SHISA6: variants seen among roughly 807,000 people sequenced by gnomAD.
SHISA6 encodes the protein shisa family member 6.
In SHISA6, 22 loss-of-function variants were observed where a neutral mutation model predicts 47.9. The observed-to-expected ratio is 0.46, with a 90% confidence interval of 0.33 to 0.66. The LOEUF (loss-of-function observed/expected upper bound fraction) is 0.66. Ranked by LOEUF, SHISA6 falls within the 30% of genes least tolerant of loss-of-function variation. The pLI is 0.02. For synonymous variants in SHISA6, 388 were observed against 337.8 expected, an observed-to-expected ratio of 1.15 and a Z score of -1.63; for missense variants, 680 against 764.6, an observed-to-expected ratio of 0.89 and a Z score of 1.30.
At chr17:11,369,367 C>A (rs1912551218) in intron 2 of SHISA6, among the ~76,000 whole-genome samples, 1 of 152,210 alleles carries the variant, frequency 6.6e-6, no homozygotes, top group Non-Finnish European at 1.5e-5. Flanking sequence ...GCATTCATCA[C>A]CAATGTCTCA....
chr17:11,491,770 G>GTTTT (rs1297841489), intron 3 of SHISA6, among the ~76,000 whole-genome samples: 2 of 135,276 alleles, frequency 1.5e-5, no homozygotes, highest in Non-Finnish European at 3.1e-5. Flanking sequence ...CTGGTGAAGT[G>GTTTT]TTTTTTTTTT....
intron 3 of SHISA6, among the ~76,000 whole-genome samples, chr17:11,466,045 T>C (rs532260965): frequency 6.6e-6 from 1 of 152,216 alleles, no homozygotes; most frequent in African/African-American, 2.4e-5. Context: ...TTCTTCTAGA[T>C]TGATGCTGAG....
At chr17:11,383,460 T>A (rs1246043485) in intron 3 of SHISA6, among the ~76,000 whole-genome samples, 1 of 152,114 alleles carries the variant, frequency 6.6e-6, no homozygotes, top group Non-Finnish European at 1.5e-5. Context: ...TGAGATCTTA[T>A]AAAACATAGA....
intron 3 of SHISA6, among the ~76,000 whole-genome samples, chr17:11,448,899 A>G (rs1915309011): frequency 6.6e-6 from 1 of 152,186 alleles, no homozygotes; most frequent in Admixed American, 6.5e-5. Context: ...ACCATGGGCC[A>G]CTGTCATTCT....
intron 2 of SHISA6, among the ~76,000 whole-genome samples, chr17:11,275,011 C>T (rs571516173): frequency 7.1e-4 from 108 of 152,266 alleles, no homozygotes; most frequent in African/African-American, 2.4e-3. Context: ...TGCAGAAGGG[C>T]ACAGTGATCA....
At chr17:11,353,736 G>T (rs183207274) in intron 2 of SHISA6, among the ~76,000 whole-genome samples, 60 of 152,270 alleles carry the variant, frequency 3.9e-4, no homozygotes, top group Non-Finnish European at 6.3e-4. Context: ...GAAAGGGAAG[G>T]TTAATTTATC....
intron 3 of SHISA6, among the ~76,000 whole-genome samples, chr17:11,482,760 C>A (rs1916252574): frequency 6.6e-6 from 1 of 152,078 alleles, no homozygotes; most frequent in Non-Finnish European, 1.5e-5. Context: ...GCAGGTAAAT[C>A]TGGGAGGAAG....
chr17:11,321,516 C>A (rs1477247224), intron 2 of SHISA6, among the ~76,000 whole-genome samples: 1 of 152,200 alleles, frequency 6.6e-6, no homozygotes, highest in Non-Finnish European at 1.5e-5. Flanking sequence ...TAAAAAGCAT[C>A]AATTACAAAA....
At chr17:11,430,805 T>G (rs780165047) in intron 3 of SHISA6, among the ~76,000 whole-genome samples, 2 of 152,226 alleles carry the variant, frequency 1.3e-5, no homozygotes, top group Non-Finnish European at 2.9e-5. Context: ...TTCTGAATGC[T>G]TCTTACTTTG....
intron 3 of SHISA6, among the ~76,000 whole-genome samples, chr17:11,391,219 G>T (rs1366007970): frequency 6.6e-6 from 1 of 152,064 alleles, no homozygotes; most frequent in Non-Finnish European, 1.5e-5. Context: ...AACTGTAGAG[G>T]GTGGGCAGGA....
At chr17:11,507,905 G>A (rs2071512998) in intron 3 of SHISA6, among the ~76,000 whole-genome samples, 1 of 152,170 alleles carries the variant, frequency 6.6e-6, no homozygotes, top group Non-Finnish European at 1.5e-5. Context: ...AGACTGGCGA[G>A]CTTAAGACAT....
At chr17:11,456,344 C>T (rs1254733220) in intron 3 of SHISA6, among the ~76,000 whole-genome samples, 3 of 152,156 alleles carry the variant, frequency 2.0e-5, no homozygotes, top group African/African-American at 7.2e-5. Flanking sequence ...GGGGAGTTCT[C>T]CTCTTCCTAA....
intron 1 of SHISA6, among the ~76,000 whole-genome samples, chr17:11,257,658 C>T (rs1277543707): frequency 2.2e-5 from 1 of 45,620 alleles, no homozygotes; most frequent in Admixed American, 3.8e-4. Context: ...GAGATCCTGT[C>T]TCAAAAAAAA....
chr17:11,243,400 G>A (rs955961619), intron 1 of SHISA6, among the ~76,000 whole-genome samples: 5 of 151,608 alleles, frequency 3.3e-5, no homozygotes, highest in Non-Finnish European at 5.9e-5. Context: ...CCTCAAACTC[G>A]CGTGCTGGAA....
chr17:11,304,417 C>T (rs758251863), intron 2 of SHISA6, among the ~76,000 whole-genome samples: 34 of 151,890 alleles, frequency 2.2e-4, no homozygotes, highest in Non-Finnish European at 4.0e-4. Context: ...ACGGCCCCTG[C>T]TTGAGCCTTG....
At chr17:11,507,890 G>C (rs1479641316) in intron 3 of SHISA6, among the ~76,000 whole-genome samples, 1 of 152,122 alleles carries the variant, frequency 6.6e-6, no homozygotes, top group Non-Finnish European at 1.5e-5. Flanking sequence ...ATTCCATTTA[G>C]TGTGAGACTG....
intron 2 of SHISA6, among the ~76,000 whole-genome samples, chr17:11,311,933 G>A (rs1159480433): frequency 2.0e-5 from 3 of 151,948 alleles, no homozygotes; most frequent in South Asian, 2.1e-4. Context: ...GTGCCACCAC[G>A]CCTGGCTAAT....
intron 3 of SHISA6, among the ~76,000 whole-genome samples, chr17:11,385,644 G>A (rs77453989): frequency 0.035 from 5,370 of 152,212 alleles, 173 homozygotes; most frequent in Admixed American, 0.09. Context: ...CAGTAGGTGA[G>A]TGGCTTTTGA....
At chr17:11,268,463 T>A (rs1312780087) in intron 2 of SHISA6, among the ~76,000 whole-genome samples, 2 of 152,194 alleles carry the variant, frequency 1.3e-5, no homozygotes, top group Non-Finnish European at 2.9e-5. Context: ...ACACTGTTTC[T>A]TCTCATGCTG....
Sources: allele counts gnomAD v4.1 joint callset (sites outside exome capture counted in the v4.1 genomes callset), GRCh38; gene constraint gnomAD v4.1.1; transcripts MANE v1.5; gene names NCBI Gene and HGNC (gene_info 2026-07-23, HGNC 2026-07-21).